Variants in CARF observed in about 807,000 individuals in gnomAD.
The protein encoded by CARF is calcium responsive transcription factor.
CARF carries 57 observed loss-of-function variants against 82.0 expected under a neutral mutation model. That is an observed-to-expected ratio of 0.70 (90% CI 0.56 to 0.87). The LOEUF (loss-of-function observed/expected upper bound fraction) is 0.87, where lower values mean the gene tolerates loss of function less well. CARF is among the 40% of genes least tolerant of loss of function. The pLI is 0.00. For missense variants in CARF, 771 were observed against 855.8 expected (o/e 0.90, Z 1.24); for synonymous variants, 268 against 290.1 (o/e 0.92, Z 0.77).
At position 202,984,295 on chromosome 2, in the gene CARF, T is replaced by C. The variant is rs1308819898; in HGVS notation, c.*671T>C. The C allele has an allele frequency of 1.3e-5, 2 of 152,198 alleles. No homozygotes were observed. The highest frequency in any genetic ancestry group is 2.9e-5 in the Non-Finnish European group (2 of 68,022). 9.4% of individuals were successfully genotyped at this position (152,198 alleles called of 1,614,324 possible). ...GGTTATCTAATAGAAATTTAAAGTGTCTTGGTAAGTACTGAGAATTTTTAC... is the reference window on the plus strand; with the variant it reads ...GGTTATCTAATAGAAATTTAAAGTGCCTTGGTAAGTACTGAGAATTTTTAC... On this transcript the variant is annotated 3_prime_UTR_variant, in exon 17 of 17. Transcript: ENST00000438828.
Position 202,955,736 on chromosome 2 carries a change from C to T in CARF, c.620C>T (p.Ala207Val). 1 of 1,611,444 alleles carries T rather than the reference C, an allele frequency of 6.2e-7. No individual in the cohort carries two copies. The highest frequency in any genetic ancestry group is 1.1e-5 in the South Asian group (1 of 90,634). ...CTTTCTTCTAATACACCTATATGGG[C>T]CTGCCGTCTTAGGAGCTGTGAGGTG... ...QPLSSNTPIW[A>V]CRLRSCEKIG... Residue 207 changes from alanine (A) to valine (V), a missense_variant, in exon 8 of 17, where the codon GCC (alanine) becomes GTC (valine). Coordinates refer to ENST00000438828, the MANE Select transcript of CARF (RefSeq NM_024744.17).
At chr2:202,938,031 G>A (rs887240019) in intron 3 of CARF, among the ~76,000 whole-genome samples, 2 of 152,058 alleles carry the variant, frequency 1.3e-5, no homozygotes, top group African/African-American at 4.8e-5. Flanking sequence ...ATCATAGCAT[G>A]TAAAATGGGG....
chr2:202,929,963 T>C (rs1692581972), intron 3 of CARF, among the ~76,000 whole-genome samples: 2 of 152,148 alleles, frequency 1.3e-5, no homozygotes, highest in Non-Finnish European at 2.9e-5. Flanking sequence ...TTTCACAATA[T>C]TAATTATTCC....
intron 1 of CARF, among the ~76,000 whole-genome samples, chr2:202,915,411 A>T (rs1014559596): frequency 6.6e-6 from 1 of 152,030 alleles, no homozygotes; most frequent in African/African-American, 2.4e-5. Context: ...TCCGTGTTTC[A>T]GCCTCCCCAA....
intron 9 of CARF, among the ~76,000 whole-genome samples, chr2:202,966,412 AT>A (rs1305503870): frequency 6.6e-6 from 1 of 152,248 alleles, no homozygotes; most frequent in Non-Finnish European, 1.5e-5. Flanking sequence ...ATAAAATGGT[AT>A]AAAAACCATA....
intron 3 of CARF, among the ~76,000 whole-genome samples, chr2:202,926,756 A>C (rs933460887): frequency 6.6e-6 from 1 of 152,114 alleles, no homozygotes; most frequent in African/African-American, 2.4e-5. Context: ...ATATTCTTTA[A>C]TTTCTCCTAC....
At chr2:202,929,210 C>T (rs1692425683) in intron 3 of CARF, among the ~76,000 whole-genome samples, 1 of 152,146 alleles carries the variant, frequency 6.6e-6, no homozygotes, top group African/African-American at 2.4e-5. Flanking sequence ...GATACAAATC[C>T]ATTTGTCTAT....
intron 13 of CARF, among the ~76,000 whole-genome samples, chr2:202,974,907 T>C (rs968794555): frequency 2.0e-5 from 3 of 151,690 alleles, no homozygotes; most frequent in African/African-American, 4.8e-5. Context: ...TCAAAAAATA[T>C]ATATATATAG....
At chr2:202,945,247 C>T (rs942989477) in intron 5 of CARF, among the ~76,000 whole-genome samples, 1 of 152,132 alleles carries the variant, frequency 6.6e-6, no homozygotes, top group African/African-American at 2.4e-5. Flanking sequence ...GCACGTGCTA[C>T]AGTATCCCCC....
chr2:202,935,687 A>G (rs1428634640), intron 3 of CARF, among the ~76,000 whole-genome samples: 1 of 152,152 alleles, frequency 6.6e-6, no homozygotes, highest in Non-Finnish European at 1.5e-5. Context: ...TGCCTCACAG[A>G]GTGCTGGGAT....
At chr2:202,967,429 T>C (rs1046297207) in intron 10 of CARF, among the ~76,000 whole-genome samples, 32 of 152,234 alleles carry the variant, frequency 2.1e-4, no homozygotes, top group Non-Finnish European at 2.5e-4. Context: ...TTTCTTGATA[T>C]GAATTCACAT....
At chr2:202,942,148 C>T (rs553998457) in intron 4 of CARF, among the ~76,000 whole-genome samples, 168 bp downstream of exon 4, 16 of 151,748 alleles carry the variant, frequency 1.1e-4, no homozygotes, top group South Asian at 6.3e-4. Context: ...CTGAGGCGGG[C>T]GTATCACCTG....
intron 3 of CARF, among the ~76,000 whole-genome samples, chr2:202,933,052 C>G: frequency 6.6e-6 from 1 of 152,140 alleles, no homozygotes; most frequent in African/African-American, 2.4e-5. Flanking sequence ...ACCTTATGCA[C>G]TGGAGAGGCA....
chr2:202,940,831 C>A (rs1164713656), intron 3 of CARF, among the ~76,000 whole-genome samples: 1 of 152,046 alleles, frequency 6.6e-6, no homozygotes, highest in East Asian at 1.9e-4. Flanking sequence ...GAGGGGAGGG[C>A]GGTCACTGGA....
chr2:202,980,620 A>G (rs1198725772), intron 14 of CARF, among the ~76,000 whole-genome samples: 1 of 35,874 alleles, frequency 2.8e-5, no homozygotes, highest in African/African-American at 7.7e-5. Context: ...TTTCAAGTAT[A>G]TATATATATA....
intron 3 of CARF, among the ~76,000 whole-genome samples, chr2:202,931,569 C>A (rs550868536): frequency 2.0e-5 from 3 of 152,274 alleles, no homozygotes; most frequent in Admixed American, 1.3e-4. Flanking sequence ...TTTGGTGGAA[C>A]AATTGCCTTT....
intron 4 of CARF, 106 bp from the exon 5 acceptor site, chr2:202,942,633 CA>C (rs2058284125): frequency 9.3e-7 from 1 of 1,080,636 alleles, no homozygotes; most frequent in Non-Finnish European, 1.3e-6. Flanking sequence ...ACAACTCTTA[CA>C]AAAAAGTAAA....
At chr2:202,948,579 A>C (rs568963996) in intron 5 of CARF, among the ~76,000 whole-genome samples, 7 of 151,782 alleles carry the variant, frequency 4.6e-5, no homozygotes, top group Admixed American at 4.6e-4. Flanking sequence ...CCTTCTTGTA[A>C]TCCTAGGTAT....
At chr2:202,922,139 A>C (rs1206120997) in intron 2 of CARF, among the ~76,000 whole-genome samples, 1 of 151,928 alleles carries the variant, frequency 6.6e-6, no homozygotes, top group Non-Finnish European at 1.5e-5. Context: ...CTTAAAAAGA[A>C]ATTTTTAATC....
Sources: allele counts gnomAD v4.1 joint callset (sites outside exome capture counted in the v4.1 genomes callset), GRCh38; gene constraint gnomAD v4.1.1; transcripts MANE v1.5; gene names NCBI Gene and HGNC (gene_info 2026-07-23, HGNC 2026-07-21).